FUT8: variants seen among roughly 807,000 people sequenced by gnomAD.
The protein encoded by FUT8 is fucosyltransferase 8.
In FUT8, 29 loss-of-function variants were observed where a neutral mutation model predicts 71.3. The ratio of observed to expected loss-of-function variants is 0.41; its 90% CI spans 0.30 to 0.55. The LOEUF (loss-of-function observed/expected upper bound fraction) is 0.55, where lower values mean the gene tolerates loss of function less well. Among genes scored for constraint, FUT8 ranks in the 20% least tolerant of loss-of-function variants. The probability of loss-of-function intolerance (pLI) is 0.34; values close to 1 mark genes in which losing one functional copy is unlikely to be tolerated. For missense variants in FUT8, 544 were observed against 702.1 expected, an observed-to-expected ratio of 0.77 and a Z score of 2.55; for synonymous variants, 254 against 239.3, an observed-to-expected ratio of 1.06 and a Z score of -0.57.
At chr14:65,466,292 T>C (rs548534410) in intron 2 of FUT8, among the ~76,000 whole-genome samples, 9 of 152,356 alleles carry the variant, frequency 5.9e-5, no homozygotes, top group Admixed American at 1.3e-4. Flanking sequence ...ATTATTGATA[T>C]AGTTGGATTA....
intron 6 of FUT8, among the ~76,000 whole-genome samples, chr14:65,668,316 G>A (rs1202526618): frequency 6.6e-6 from 1 of 152,040 alleles, no homozygotes; most frequent in Non-Finnish European, 1.5e-5. Flanking sequence ...TGCAAGCTAT[G>A]AAAGGTCTAA....
chr14:65,663,311 G>A (rs1184762588), intron 6 of FUT8, among the ~76,000 whole-genome samples: 1 of 151,766 alleles, frequency 6.6e-6, no homozygotes, highest in Non-Finnish European at 1.5e-5. Flanking sequence ...CTCAGAAGAG[G>A]GGTTTTCTAT....
intron 2 of FUT8, among the ~76,000 whole-genome samples, chr14:65,526,523 C>T (rs992027475): frequency 6.6e-6 from 1 of 152,076 alleles, no homozygotes; most frequent in Admixed American, 6.6e-5. Context: ...TCCAATTTAC[C>T]AGTCTGTGTC....
chr14:65,534,929 G>A (rs1273100552), intron 2 of FUT8, among the ~76,000 whole-genome samples: 2 of 151,254 alleles, frequency 1.3e-5, no homozygotes, highest in African/African-American at 4.9e-5. Flanking sequence ...GTCTCCTTCA[G>A]TTCAGCTCTG....
rs1308444355 is a variant in FUT8, at chr14:65,472,684, T to A, written c.-228+16966T>A. 1.3e-5 allele frequency among the ~76,000 whole-genome samples: 2 copies of A among 152,200 alleles called. No homozygotes were observed. The highest frequency in any genetic ancestry group is 4.8e-5 in the African/African-American group (2 of 41,450). On this transcript the variant is annotated intron_variant, in intron 2 of 10. Transcript: ENST00000673929. This position sits in a 1 kb window ranked among gnomAD's most constrained non-coding sequence, Gnocchi z 4.4. ...GAGGATGGTTATTAAAGCCCTATGC[T>A]GATACTTTGGATTTATGGAACCAAT...
chr14:65,552,123 A>T (rs1885323671), intron 2 of FUT8, among the ~76,000 whole-genome samples: 1 of 152,192 alleles, frequency 6.6e-6, no homozygotes, highest in Non-Finnish European at 1.5e-5. Context: ...GTTCAATTTT[A>T]TGCTTAAAAA....
At chr14:65,432,621 G>A (rs923388059) in intron 1 of FUT8, among the ~76,000 whole-genome samples, 8 of 152,030 alleles carry the variant, frequency 5.3e-5, no homozygotes, top group Admixed American at 4.6e-4. Flanking sequence ...ATAGGAGGTC[G>A]GCACAAAATA....
intron 2 of FUT8, among the ~76,000 whole-genome samples, chr14:65,533,688 T>C (rs1408410128): frequency 6.6e-6 from 1 of 152,114 alleles, no homozygotes; most frequent in Non-Finnish European, 1.5e-5. Context: ...TGAATAGTAA[T>C]TGGTGAGAGA....
intron 6 of FUT8, among the ~76,000 whole-genome samples, chr14:65,668,778 C>T (rs977046289): frequency 6.6e-6 from 1 of 152,046 alleles, no homozygotes; most frequent in Non-Finnish European, 1.5e-5. Flanking sequence ...TGGAATAAAC[C>T]TAGATGCCCA....
the FUT8 span, among the ~76,000 whole-genome samples, chr14:65,395,103 T>C: frequency 6.6e-6 from 1 of 152,226 alleles, no homozygotes; most frequent in Non-Finnish European, 1.5e-5. Context: ...ATCCAGGTCA[T>C]GCTGATGCAA....
intron 6 of FUT8, among the ~76,000 whole-genome samples, chr14:65,649,436 T>A (rs1438256511): frequency 6.6e-6 from 1 of 152,192 alleles, no homozygotes; most frequent in Non-Finnish European, 1.5e-5. Flanking sequence ...ACAAGTCACA[T>A]CTGAAATAGA....
At chr14:65,671,761 A>G (rs1302509500) in intron 7 of FUT8, among the ~76,000 whole-genome samples, 1 of 152,180 alleles carries the variant, frequency 6.6e-6, no homozygotes, top group Non-Finnish European at 1.5e-5. Flanking sequence ...TATGGCTGCC[A>G]TCAATTTATC....
At chr14:65,493,464 G>C (rs2066513217) in intron 2 of FUT8, among the ~76,000 whole-genome samples, 1 of 152,068 alleles carries the variant, frequency 6.6e-6, no homozygotes, top group South Asian at 2.1e-4. Context: ...AGAAGGGATA[G>C]GTTCAGGAAG....
intron 6 of FUT8, among the ~76,000 whole-genome samples, chr14:65,668,603 A>G (rs1360904852): frequency 6.6e-6 from 1 of 152,180 alleles, no homozygotes; most frequent in African/African-American, 2.4e-5. Flanking sequence ...AATTAGTTCA[A>G]CCATTGGAAA....
chr14:65,458,726 G>T lies in FUT8; in HGVS notation c.-228+3008G>T, dbSNP rs895402897. ...TATCTCTGTAGATACGTGGCCTGCT[G>T]TATTGTGTTCTCAGAAAACATTTCT... On this transcript the variant is annotated intron_variant, in intron 2 of 10. Coordinates refer to ENST00000673929, the MANE Select transcript of FUT8 (RefSeq NM_001371533.1). Among the ~76,000 whole-genome samples, 62 of 150,462 alleles carry T rather than the reference G, an allele frequency of 4.1e-4. 1 individual carries two copies. Among genetic ancestry groups the T allele is most frequent in the Admixed American group, 3.3e-4 (5 of 15,124 alleles).
chr14:65,621,530 A>G (rs1889610157), intron 5 of FUT8, among the ~76,000 whole-genome samples: 1 of 151,370 alleles, frequency 6.6e-6, no homozygotes, highest in African/African-American at 2.4e-5. Flanking sequence ...CTAGGATGAC[A>G]GGCGTGAGCC....
In FUT8 at chr14:65,648,625, A is replaced by G. The variant is rs74058545; in HGVS notation, c.597+19019A>G. ...CGATGATAAAGCTGTCAAATGTACA[A>G]TGATGTCTTTTTAAATATTGGGACC... On this transcript the variant is annotated intron_variant, in intron 6 of 10. Transcript: ENST00000673929. Among the ~76,000 whole-genome samples, 1,283 of 152,334 alleles carry G rather than the reference A, an allele frequency of 8.4e-3. 9 individuals carry two copies. The highest frequency in any genetic ancestry group is 0.024 in the African/African-American group (988 of 41,568).
At chr14:65,717,870 C>G (rs750319954) in intron 7 of FUT8, among the ~76,000 whole-genome samples, 1 of 152,150 alleles carries the variant, frequency 6.6e-6, no homozygotes, top group African/African-American at 2.4e-5. Context: ...TTGTCTATTA[C>G]AGGTATAGCT....
rs187244537 is a variant in FUT8 at position 65,723,521 on chromosome 14, C to T, written c.1083-626C>T. Among the ~76,000 whole-genome samples, 47 of 152,202 alleles carry T rather than the reference C, an allele frequency of 3.1e-4. 1 individual carries two copies. Among genetic ancestry groups the T allele is most frequent in the Admixed American group, 8.5e-4 (13 of 15,294 alleles). On this transcript the variant is annotated intron_variant, in intron 8 of 10. Coordinates refer to ENST00000673929, the MANE Select transcript of FUT8 (RefSeq NM_001371533.1). ...TGGTGAAAAACAGAGAAAGGAAATG[C>T]ATTATGCCCACAACAGAAGGGCTGG...
Sources: gnomAD v4.1 joint callset for allele counts (sites outside exome capture counted in the v4.1 genomes callset) on GRCh38, gnomAD v4.1.1 for gene constraint, Gnocchi (gnomAD v3.1) non-coding constraint, MANE v1.5 for transcripts, NCBI Gene and HGNC (gene_info 2026-07-23, HGNC 2026-07-21) for gene names.